Variants in TIAM1 observed in about 807,000 individuals in gnomAD.
TIAM1 encodes the protein rho guanine nucleotide exchange factor TIAM1.
In TIAM1, 65 loss-of-function variants were observed where a neutral mutation model predicts 163.5. The ratio of observed to expected loss-of-function variants is 0.40; its 90% CI spans 0.33 to 0.49. The LOEUF (loss-of-function observed/expected upper bound fraction) is 0.49. TIAM1 is among the 20% of genes least tolerant of loss of function. The pLI is 0.77. For synonymous variants in TIAM1, 833 were observed against 810.1 expected, an observed-to-expected ratio of 1.03 and a Z score of -0.48; for missense variants, 1,789 against 2,044.7, an observed-to-expected ratio of 0.87 and a Z score of 2.41.
At chr21:31,153,168 T>C in intron 17 of TIAM1, 34 bp from the exon 18 acceptor site, 1 of 1,553,938 alleles carries the variant, frequency 6.4e-7, no homozygotes, top group Non-Finnish European at 8.8e-7. Context: ...TTAGCTTATG[T>C]GTTTTATTTT....
At chr21:31,479,704 G>C (rs1291682073) in intron 1 of TIAM1, among the ~76,000 whole-genome samples, 2 of 152,178 alleles carry the variant, frequency 1.3e-5, no homozygotes, top group Admixed American at 1.3e-4. Context: ...AGTGAAAAAG[G>C]AAGGATAAGA....
chr21:31,362,474 TTATTA>T (rs1210513630), intron 2 of TIAM1, among the ~76,000 whole-genome samples: 58 of 148,804 alleles, frequency 3.9e-4, no homozygotes, highest in African/African-American at 1.3e-3. Flanking sequence ...ATTATTATTA[TTATTA>T]TATTTGAGAA....
intron 2 of TIAM1, among the ~76,000 whole-genome samples, chr21:31,321,240 C>A (rs1044579121): frequency 6.6e-6 from 1 of 152,202 alleles, no homozygotes; most frequent in Non-Finnish European, 1.5e-5. Flanking sequence ...TCAGCATCGG[C>A]AGGCCTGCAC....
At chr21:31,463,152 A>G (rs1010850340) in intron 2 of TIAM1, among the ~76,000 whole-genome samples, 1 of 152,144 alleles carries the variant, frequency 6.6e-6, no homozygotes, top group African/African-American at 2.4e-5. Flanking sequence ...TTACCCAGGA[A>G]CTAATCAACA....
At chr21:31,344,346 T>TC (rs1200549890), upstream of TIAM1, 4 of 152,282 alleles carry the variant, frequency 2.6e-5, no homozygotes, top group East Asian at 7.7e-4. Flanking sequence ...CACCATCACC[T>TC]CCCTCCTCTC....
chr21:31,146,609 G>A (rs1300398941), intron 20 of TIAM1, among the ~76,000 whole-genome samples: 3 of 151,564 alleles, frequency 2.0e-5, no homozygotes, highest in Admixed American at 6.6e-5. Flanking sequence ...TACTCGGGAG[G>A]CTGAGGCAGG....
At chr21:31,347,313 G>A (rs1340809004), upstream of TIAM1, among the ~76,000 whole-genome samples, 1 of 152,162 alleles carries the variant, frequency 6.6e-6, no homozygotes, top group Admixed American at 6.5e-5. Flanking sequence ...GAGGCCCCAG[G>A]CATTGGCCTT....
intron 2 of TIAM1, among the ~76,000 whole-genome samples, chr21:31,396,806 C>T (rs1340090355): frequency 4.6e-5 from 7 of 151,780 alleles, no homozygotes; most frequent in Non-Finnish European, 8.8e-5. Context: ...CAAAAATTAG[C>T]CGGGCCTGGT....
chr21:31,339,541 T>A (rs1252509122), intron 1 of TIAM1, 119 bp from the exon 2 acceptor site: 3 of 396,346 alleles, frequency 7.6e-6, no homozygotes, highest in African/African-American at 2.1e-5. Flanking sequence ...ACCTTACATG[T>A]TGTAGACACT....
intron 19 of TIAM1, among the ~76,000 whole-genome samples, chr21:31,148,029 G>C (rs1601291846): frequency 9.2e-6 from 1 of 108,598 alleles, no homozygotes; most frequent in African/African-American, 3.4e-5. Flanking sequence ...AAAAAAAAAA[G>C]GTTTATTTTA....
At chr21:31,299,394 G>A (rs1358028562) in intron 2 of TIAM1, among the ~76,000 whole-genome samples, 2 of 152,142 alleles carry the variant, frequency 1.3e-5, no homozygotes, top group African/African-American at 2.4e-5. Flanking sequence ...GGCTTCAGTG[G>A]AGAAAACACT....
intron 3 of TIAM1, among the ~76,000 whole-genome samples, chr21:31,273,595 T>C (rs1209498957): frequency 1.3e-5 from 2 of 152,180 alleles, no homozygotes; most frequent in Non-Finnish European, 2.9e-5. Flanking sequence ...CTGAACCAAG[T>C]CAGGTTGACT....
chr21:31,257,414 G>A (rs2072177505), intron 4 of TIAM1, among the ~76,000 whole-genome samples: 1 of 152,180 alleles, frequency 6.6e-6, no homozygotes, highest in African/African-American at 2.4e-5. Flanking sequence ...GGTAACTCCT[G>A]ATTGGAGAAG....
At chr21:31,536,089 G>C (rs1389256156) in intron 1 of TIAM1, among the ~76,000 whole-genome samples, 1 of 152,226 alleles carries the variant, frequency 6.6e-6, no homozygotes, top group East Asian at 1.9e-4. Context: ...ATGCGGCACA[G>C]GCAGAGAGGC....
At chr21:31,375,175 T>C (rs1368891000) in intron 2 of TIAM1, among the ~76,000 whole-genome samples, 3 of 152,214 alleles carry the variant, frequency 2.0e-5, no homozygotes, top group African/African-American at 4.8e-5. Context: ...ACATCCAGTA[T>C]GCGGTTGGCT....
At chr21:31,525,502 C>T (rs1166095410) in intron 1 of TIAM1, among the ~76,000 whole-genome samples, 2 of 152,018 alleles carry the variant, frequency 1.3e-5, no homozygotes, top group Admixed American at 6.6e-5. Flanking sequence ...CCACCTCCAA[C>T]ACTAGGAAAC....
At chr21:31,259,228 C>A (rs1342391405) in intron 4 of TIAM1, among the ~76,000 whole-genome samples, 1 of 2,028 alleles carries the variant, frequency 4.9e-4, no homozygotes, top group Non-Finnish European at 8.1e-4. Flanking sequence ...CCTCAACCTC[C>A]CAGGCTGAAG....
At chr21:31,223,654 T>G in intron 7 of TIAM1, 63 bp from the exon 8 acceptor site, 2 of 1,500,682 alleles carry the variant, frequency 1.3e-6, no homozygotes, top group Non-Finnish European at 9.0e-7. Context: ...GCTAATATCT[T>G]TATCCTATAC....
rs2081919998 is a variant in TIAM1 at position 31,119,414 on chromosome 21, C to T, written c.*954G>A. 1 of 152,308 alleles carries T rather than the reference C, an allele frequency of 6.6e-6. No individual in the cohort carries two copies. Among genetic ancestry groups the T allele is most frequent in the South Asian group, 2.1e-4 (1 of 4,824 alleles). The allele number at this position is 152,308 out of a possible 1,614,324, so 9.4% of individuals were successfully genotyped here. On this transcript the variant is annotated 3_prime_UTR_variant, in exon 28 of 28. Coordinates refer to ENST00000541036, the MANE Select transcript of TIAM1 (RefSeq NM_001353694.2). ...GTGCAACAGACACACACACCGCCCA[C>T]CGGGGTGTCATGTTTAATCCAACCA...
Sources: allele counts gnomAD v4.1 joint callset (sites outside exome capture counted in the v4.1 genomes callset), GRCh38; gene constraint gnomAD v4.1.1; transcripts MANE v1.5; gene names NCBI Gene and HGNC (gene_info 2026-07-23, HGNC 2026-07-21).